PLAC1: variants seen among roughly 807,000 people sequenced by gnomAD.
The protein encoded by PLAC1 is placenta-specific protein 1.
For missense variants in PLAC1, 136 were observed against 163.2 expected, an observed-to-expected ratio of 0.83 and a Z score of 0.91; for synonymous variants, 68 against 62.1, an observed-to-expected ratio of 1.09 and a Z score of -0.44.
At chrX:134,624,676 C>G (rs2078226530) in intron 1 of PLAC1, among the ~76,000 whole-genome samples, 3 of 111,563 alleles carry the variant, frequency 2.7e-5, no homozygotes, top group South Asian at 3.7e-4. Flanking sequence ...GAACCTGGGG[C>G]TTTGTATGTG....
intron 2 of PLAC1, among the ~76,000 whole-genome samples, chrX:134,687,519 C>T (rs1305528262): frequency 9.1e-6 from 1 of 109,438 alleles, no homozygotes; most frequent in Non-Finnish European, 1.9e-5. Flanking sequence ...TTTAGGCCAT[C>T]AGTGGAGTCT....
At chrX:134,585,232 G>C (rs2077994416) in intron 2 of PLAC1, among the ~76,000 whole-genome samples, 1 of 101,407 alleles carries the variant, frequency 9.9e-6, no homozygotes, top group Non-Finnish European at 2.0e-5. Context: ...TGTAGCCCCA[G>C]CTACTCGGGA....
intron 2 of PLAC1, among the ~76,000 whole-genome samples, chrX:134,708,063 G>T (rs1220158773): frequency 8.9e-6 from 1 of 111,851 alleles, no homozygotes; most frequent in East Asian, 2.8e-4. Flanking sequence ...AATGAAAACA[G>T]AGAAATAAAA....
chrX:134,722,261 A>C (rs2078660391), intron 2 of PLAC1, among the ~76,000 whole-genome samples: 1 of 112,299 alleles, frequency 8.9e-6, no homozygotes, highest in African/African-American at 3.2e-5. Flanking sequence ...AGATAGCCAA[A>C]AGATGGAAAC....
intron 2 of PLAC1, among the ~76,000 whole-genome samples, chrX:134,703,073 C>T (rs769832956): frequency 6.3e-5 from 7 of 111,816 alleles, no homozygotes; most frequent in Middle Eastern, 4.6e-3. Flanking sequence ...GGAATAACAA[C>T]GATGGGAAGG....
intron 1 of PLAC1, among the ~76,000 whole-genome samples, chrX:134,752,245 TTTG>T (rs1354465251): frequency 4.7e-4 from 48 of 102,285 alleles, no homozygotes; most frequent in African/African-American, 2.1e-3. Flanking sequence ...TTCTTCTTTG[TTTG>T]TTTTTTTTTA....
At chrX:134,665,108 TTG>T (rs759708556) in intron 2 of PLAC1, among the ~76,000 whole-genome samples, 7 of 104,206 alleles carry the variant, frequency 6.7e-5, no homozygotes, top group African/African-American at 1.5e-4. Flanking sequence ...GTGAGTGTGT[TTG>T]TGTGTGTGTG....
chrX:134,673,352 G>GAGGA (rs2078462701), intron 2 of PLAC1, among the ~76,000 whole-genome samples: 1 of 104,998 alleles, frequency 9.5e-6, no homozygotes, highest in African/African-American at 3.5e-5. Flanking sequence ...AGGAGGGAGG[G>GAGGA]AGGAAGGAAG....
At chrX:134,647,410 CTGTG>C (rs200761671) in intron 1 of PLAC1, among the ~76,000 whole-genome samples, 2,364 of 89,717 alleles carry the variant, frequency 0.026, 48 homozygotes, top group African/African-American at 0.073. Flanking sequence ...ATGCATGCAT[CTGTG>C]TGTGTGTGTG....
chrX:134,729,174 T>A (rs1227157930), intron 2 of PLAC1, among the ~76,000 whole-genome samples: 1 of 111,876 alleles, frequency 8.9e-6, no homozygotes, highest in Non-Finnish European at 1.9e-5. Context: ...CACTCAATAA[T>A]TCCAGTTGAA....
intron 2 of PLAC1, among the ~76,000 whole-genome samples, chrX:134,705,533 A>G (rs759616471): frequency 9.0e-6 from 1 of 111,505 alleles, no homozygotes; most frequent in South Asian, 3.8e-4. Flanking sequence ...TAAATATACC[A>G]GAAACAATAA....
chrX:134,643,114 A>G, intron 1 of PLAC1, among the ~76,000 whole-genome samples: 1 of 112,281 alleles, frequency 8.9e-6, no homozygotes, highest in South Asian at 3.7e-4. Context: ...CAGGTATAAA[A>G]TTATAAATAA....
chrX:134,693,292 C>A (rs2078550478), intron 2 of PLAC1, among the ~76,000 whole-genome samples: 1 of 111,398 alleles, frequency 9.0e-6, no homozygotes, highest in Non-Finnish European at 1.9e-5. Flanking sequence ...GTGATCTCAC[C>A]CATGAACCCC....
chrX:134,635,813 T>A (rs191830531), intron 1 of PLAC1, among the ~76,000 whole-genome samples: 71 of 112,288 alleles, frequency 6.3e-4, no homozygotes, highest in Admixed American at 2.0e-3. Flanking sequence ...AAGCTGTCCT[T>A]CAGCAGATTT....
chrX:134,585,922 G>A (rs1031188158), intron 2 of PLAC1, among the ~76,000 whole-genome samples: 2 of 111,972 alleles, frequency 1.8e-5, no homozygotes, highest in Admixed American at 9.4e-5. Flanking sequence ...CAGCATTGCT[G>A]GGGAGAAGTT....
intron 1 of PLAC1, among the ~76,000 whole-genome samples, chrX:134,744,293 A>AG (rs1556194613): frequency 1.8e-5 from 2 of 110,201 alleles, no homozygotes; most frequent in African/African-American, 6.6e-5. Flanking sequence ...AAAAAAAAAA[A>AG]AAAAGAAAAA....
intron 2 of PLAC1, among the ~76,000 whole-genome samples, chrX:134,590,178 G>A (rs146002715): frequency 1.5e-4 from 16 of 105,850 alleles, no homozygotes; most frequent in African/African-American, 5.4e-4. Flanking sequence ...CTGGGCAACA[G>A]AGTGAGACTC....
In PLAC1 at chrX:134,720,074, G is replaced by A. The variant is rs113659375; in HGVS notation, n.174+13361C>T. Among the ~76,000 whole-genome samples, 556 of 108,038 alleles carry A rather than the reference G, an allele frequency of 5.1e-3. 2 individuals are homozygous for A. Among genetic ancestry groups the A allele is most frequent in the South Asian group, 0.02 (52 of 2,544 alleles). The allele number at this position is 108,038 out of a possible 115,157, so 93.8% of individuals were successfully genotyped here. On this transcript the variant is annotated intron_variant and non_coding_transcript_variant, in intron 2 of 2. Transcript: ENST00000466797. Reference sequence around the variant, plus strand: ...GAAGTAAAAAATATCTCTATTTGCAGGTGGCACAACCTTAGTTAGAAAATC... The same window carrying A: ...GAAGTAAAAAATATCTCTATTTGCAAGTGGCACAACCTTAGTTAGAAAATC...
intron 1 of PLAC1, among the ~76,000 whole-genome samples, chrX:134,753,978 G>C (rs1362388126): frequency 1.8e-5 from 2 of 112,247 alleles, no homozygotes; most frequent in African/African-American, 6.5e-5. Context: ...ATGTTTAAGT[G>C]CTTCCATAGA....
Sources: allele counts gnomAD v4.1 joint callset (sites outside exome capture counted in the v4.1 genomes callset), GRCh38; gene constraint gnomAD v4.1.1; transcripts MANE v1.5; gene names NCBI Gene and HGNC (gene_info 2026-07-23, HGNC 2026-07-21).